The following SUSD6 variants were observed in gnomAD, a reference collection of about 807,000 sequenced individuals.
SUSD6 encodes the protein sushi domain-containing protein 6.
In SUSD6, 16 loss-of-function variants were observed where a neutral mutation model predicts 28.4. The ratio of observed to expected loss-of-function variants is 0.56; its 90% CI spans 0.38 to 0.86. SUSD6 has a LOEUF of 0.86. Among genes scored for constraint, SUSD6 ranks in the 40% least tolerant of loss-of-function variants. The pLI, the probability that SUSD6 is intolerant of heterozygous loss-of-function variation, is 0.00. For synonymous variants in SUSD6, 147 were observed against 159.6 expected, an observed-to-expected ratio of 0.92 and a Z score of 0.59; for missense variants, 341 against 384.2, an observed-to-expected ratio of 0.89 and a Z score of 0.94.
At position 69,659,362 on chromosome 14, in the gene SUSD6, C is replaced by A. The variant is rs1197802613; in HGVS notation, c.121+649C>A. 6.6e-5 allele frequency among the ~76,000 whole-genome samples: 10 copies of A among 152,308 alleles called. No individual in the cohort carries two copies. In the East Asian group the frequency reaches 1.9e-3, roughly 29 times the overall value. On this transcript the variant is annotated intron_variant, in intron 2 of 5. Transcript: ENST00000342745. ...TCTAGGGCTCAGTTTTTCCCTCCATCAGATGAATGGGTTTACCTGGAATAA... is the reference window on the plus strand; with the variant it reads ...TCTAGGGCTCAGTTTTTCCCTCCATAAGATGAATGGGTTTACCTGGAATAA...
At chr14:69,681,232 A>T (rs914015697) in intron 2 of SUSD6, among the ~76,000 whole-genome samples, 2 of 152,204 alleles carry the variant, frequency 1.3e-5, no homozygotes, top group African/African-American at 2.4e-5. Flanking sequence ...GTCATATTTT[A>T]AAAATGGTAC....
intron 1 of SUSD6, among the ~76,000 whole-genome samples, chr14:69,638,880 G>T (rs1366482546): frequency 6.6e-6 from 1 of 152,134 alleles, no homozygotes; most frequent in East Asian, 1.9e-4. Flanking sequence ...AGCCTTTTAG[G>T]CGGGCCCCTC....
At chr14:69,673,915 G>A (rs1191201212) in intron 2 of SUSD6, among the ~76,000 whole-genome samples, 4 of 152,168 alleles carry the variant, frequency 2.6e-5, no homozygotes, top group Non-Finnish European at 4.4e-5. Flanking sequence ...GATATTCTGG[G>A]TTCTTTAATG....
intron 1 of SUSD6, among the ~76,000 whole-genome samples, chr14:69,643,622 G>A (rs1229537975): frequency 6.6e-6 from 1 of 152,180 alleles, no homozygotes; most frequent in Non-Finnish European, 1.5e-5. Context: ...CAGGTGCTTG[G>A]CTGTCTGCCT....
chr14:69,705,063 C>G (rs1886368655), intron 4 of SUSD6, among the ~76,000 whole-genome samples: 1 of 152,124 alleles, frequency 6.6e-6, no homozygotes, highest in Non-Finnish European at 1.5e-5. Flanking sequence ...TGCCTGTAAT[C>G]TCAGCACTTA....
At chr14:69,640,014 A>G (rs1400795046) in intron 1 of SUSD6, among the ~76,000 whole-genome samples, 1 of 141,450 alleles carries the variant, frequency 7.1e-6, no homozygotes, top group African/African-American at 2.7e-5. Flanking sequence ...CAGATTATAA[A>G]GGTAGCATGG....
chr14:69,651,564 C>T (rs1296612588), intron 1 of SUSD6, among the ~76,000 whole-genome samples: 5 of 151,860 alleles, frequency 3.3e-5, no homozygotes, highest in Admixed American at 1.3e-4. Flanking sequence ...TGTCAGAGTC[C>T]GGTAAAATAT....
At chr14:69,689,770 A>G (rs572029894) in intron 2 of SUSD6, among the ~76,000 whole-genome samples, 6 of 152,324 alleles carry the variant, frequency 3.9e-5, no homozygotes, top group Admixed American at 6.5e-5. Flanking sequence ...GCTTCAAGCA[A>G]TTCTCATGAC....
chr14:69,646,067 G>A (rs1325930693), intron 1 of SUSD6, among the ~76,000 whole-genome samples: 2 of 152,078 alleles, frequency 1.3e-5, no homozygotes, highest in Admixed American at 6.6e-5. Context: ...TTTAATTCAT[G>A]TTAAATTTGA....
At chr14:69,668,255 G>A (rs921218885) in intron 2 of SUSD6, among the ~76,000 whole-genome samples, 5 of 152,210 alleles carry the variant, frequency 3.3e-5, no homozygotes, top group African/African-American at 1.2e-4. Context: ...AGAAGAGTAC[G>A]TTGCAGAGTA....
chr14:69,694,949 A>G (rs1427837915), intron 2 of SUSD6, among the ~76,000 whole-genome samples: 1 of 152,148 alleles, frequency 6.6e-6, no homozygotes, highest in Non-Finnish European at 1.5e-5. Context: ...ATCCTGAGCC[A>G]TGGGTGGTTT....
intron 1 of SUSD6, among the ~76,000 whole-genome samples, chr14:69,637,122 C>CT (rs956652077): frequency 6.6e-6 from 1 of 152,148 alleles, no homozygotes; most frequent in African/African-American, 2.4e-5. Context: ...TGCCTCCCAG[C>CT]TTTTTGATGT....
At chr14:69,688,734 T>C (rs1183800922) in intron 2 of SUSD6, among the ~76,000 whole-genome samples, 2 of 152,234 alleles carry the variant, frequency 1.3e-5, no homozygotes, top group African/African-American at 2.4e-5. Context: ...ATCCAGCCCA[T>C]TGGAAAATAG....
intron 1 of SUSD6, among the ~76,000 whole-genome samples, chr14:69,613,089 G>A (rs1884905840): frequency 6.6e-6 from 1 of 152,098 alleles, no homozygotes; most frequent in African/African-American, 2.4e-5. Flanking sequence ...CCTGGAGTTG[G>A]GGGAGGTATG....
At chr14:69,634,612 T>TA (rs1595035340) in intron 1 of SUSD6, among the ~76,000 whole-genome samples, 1 of 152,264 alleles carries the variant, frequency 6.6e-6, no homozygotes, top group African/African-American at 2.4e-5. Flanking sequence ...AATTCCCTGT[T>TA]ACACAGTTTA....
chr14:69,628,332 C>G (rs1004157618), intron 1 of SUSD6, among the ~76,000 whole-genome samples: 1 of 152,210 alleles, frequency 6.6e-6, no homozygotes, highest in East Asian at 1.9e-4. Flanking sequence ...CCAGCCTTCT[C>G]TCTCATAGAA....
At chr14:69,672,835 G>T (rs1294948039) in intron 2 of SUSD6, among the ~76,000 whole-genome samples, 1 of 152,226 alleles carries the variant, frequency 6.6e-6, no homozygotes, top group Non-Finnish European at 1.5e-5. Context: ...TAGGTGCATT[G>T]GTCCACCTGT....
chr14:69,617,822 G>A (rs1884981004), intron 1 of SUSD6, among the ~76,000 whole-genome samples: 1 of 152,216 alleles, frequency 6.6e-6, no homozygotes, highest in African/African-American at 2.4e-5. Flanking sequence ...GGAGTGGAAT[G>A]CTTATTGAAC....
intron 2 of SUSD6, among the ~76,000 whole-genome samples, chr14:69,669,047 T>C (rs1885789124): frequency 6.9e-6 from 1 of 144,884 alleles, no homozygotes; most frequent in South Asian, 2.1e-4. Context: ...TCAAGTATTT[T>C]TTTTCTTTTC....
Sources: gnomAD v4.1 joint callset for allele counts (sites outside exome capture counted in the v4.1 genomes callset) on GRCh38, gnomAD v4.1.1 for gene constraint, MANE v1.5 for transcripts, NCBI Gene and HGNC (gene_info 2026-07-23, HGNC 2026-07-21) for gene names.